PDE11A: variants seen among roughly 807,000 people sequenced by gnomAD.
PDE11A encodes dual 3',5'-cyclic-AMP and -GMP phosphodiesterase 11A.
Under a neutral mutation model 100.5 loss-of-function variants are expected in PDE11A, and 100 were observed. The ratio of observed to expected loss-of-function variants is 1.00; its 90% CI spans 0.85 to 1.18. PDE11A has a LOEUF of 1.18. Among genes scored for constraint, PDE11A ranks in the 50% most tolerant of loss-of-function variants. The probability of loss-of-function intolerance (pLI) is 0.00; values close to 1 mark genes in which losing one functional copy is unlikely to be tolerated. For missense variants in PDE11A, 1,141 were observed against 1,152.6 expected, an observed-to-expected ratio of 0.99 and a Z score of 0.15; for synonymous variants, 381 against 420.8, an observed-to-expected ratio of 0.91 and a Z score of 1.16.
intron 1 of PDE11A, among the ~76,000 whole-genome samples, chr2:178,069,032 C>T (rs568738860): frequency 6.6e-6 from 1 of 152,236 alleles, no homozygotes; most frequent in South Asian, 2.1e-4. Flanking sequence ...GACTTCACAT[C>T]TCAGTTCCAG....
chr2:177,788,759 A>G (rs2082580482), intron 9 of PDE11A, among the ~76,000 whole-genome samples: 3 of 152,226 alleles, frequency 2.0e-5, no homozygotes, highest in African/African-American at 7.2e-5. Flanking sequence ...TACTACAAAC[A>G]ACTCTACTCA....
At chr2:177,798,276 T>G (rs527752672) in intron 9 of PDE11A, among the ~76,000 whole-genome samples, 1 of 152,220 alleles carries the variant, frequency 6.6e-6, no homozygotes, top group Non-Finnish European at 1.5e-5. Flanking sequence ...CATATCTACC[T>G]CTTTCTTGGA....
chr2:177,630,725 A>G (rs945123111), intron 19 of PDE11A, among the ~76,000 whole-genome samples: 1 of 152,140 alleles, frequency 6.6e-6, no homozygotes, highest in African/African-American at 2.4e-5. Flanking sequence ...GGCTTCTAAC[A>G]TATTCAACCA....
intron 2 of PDE11A, among the ~76,000 whole-genome samples, chr2:177,947,475 C>T (rs2085457533): frequency 6.6e-6 from 1 of 152,226 alleles, no homozygotes; most frequent in African/African-American, 2.4e-5. Flanking sequence ...GCCCCCAACC[C>T]TGTGCTCTCT....
chr2:177,753,468 G>A (rs529630009), intron 10 of PDE11A, among the ~76,000 whole-genome samples: 8 of 152,086 alleles, frequency 5.3e-5, no homozygotes, highest in African/African-American at 1.7e-4. Context: ...TGGCACTGCA[G>A]CCTGTTATTC....
intron 7 of PDE11A, among the ~76,000 whole-genome samples, chr2:177,818,456 C>A (rs1042574888): frequency 6.6e-6 from 1 of 151,840 alleles, no homozygotes. Context: ...GGGCACGTTA[C>A]CTAACTTTTT....
At chr2:177,657,400 C>T (rs1042522139) in intron 19 of PDE11A, among the ~76,000 whole-genome samples, 3 of 152,192 alleles carry the variant, frequency 2.0e-5, no homozygotes, top group Non-Finnish European at 4.4e-5. Context: ...AAACAAGCTG[C>T]CATCATTCAG....
intron 1 of PDE11A, chr2:178,018,280 C>T: frequency 2.5e-6 from 1 of 405,298 alleles, no homozygotes; most frequent in Non-Finnish European, 4.8e-6. Context: ...GGCTACAGCC[C>T]TCACTCTCCT....
chr2:178,035,133 G>C (rs1329067945), intron 1 of PDE11A, among the ~76,000 whole-genome samples: 1 of 151,608 alleles, frequency 6.6e-6, no homozygotes, highest in Non-Finnish European at 1.5e-5. Flanking sequence ...CCACTAGTTA[G>C]ACTAATAAAG....
chr2:177,661,808 C>A (rs938789752), intron 19 of PDE11A, among the ~76,000 whole-genome samples: 1 of 152,142 alleles, frequency 6.6e-6, no homozygotes, highest in African/African-American at 2.4e-5. Context: ...CAGCATGACA[C>A]ATCTCTCCCC....
intron 1 of PDE11A, among the ~76,000 whole-genome samples, chr2:178,035,458 C>T (rs2086600915): frequency 6.6e-6 from 1 of 152,192 alleles, no homozygotes; most frequent in Non-Finnish European, 1.5e-5. Flanking sequence ...CAAAGAGGAG[C>T]TAGTATCATT....
intron 2 of PDE11A, chr2:178,104,296 T>A (rs2087593114): frequency 6.2e-7 from 1 of 1,613,250 alleles, no homozygotes; most frequent in African/African-American, 1.3e-5. Context: ...AACTGCTAGT[T>A]TTTACCTTTG....
intron 1 of PDE11A, among the ~76,000 whole-genome samples, chr2:178,033,840 C>A (rs1301505173): frequency 6.6e-6 from 1 of 152,124 alleles, no homozygotes; most frequent in African/African-American, 2.4e-5. Context: ...TCCAGACAAG[C>A]AAATGCTGAG....
At chr2:177,873,911 A>C (rs2084187367) in intron 5 of PDE11A, among the ~76,000 whole-genome samples, 1 of 152,216 alleles carries the variant, frequency 6.6e-6, no homozygotes, top group Non-Finnish European at 1.5e-5. Context: ...TACATCTTGA[A>C]ATAGGTAATT....
intron 2 of PDE11A, chr2:177,953,424 T>G (rs1411061578): frequency 3.3e-5 from 5 of 152,124 alleles, no homozygotes; most frequent in African/African-American, 1.2e-4. Flanking sequence ...GAAAGAAAAG[T>G]GAATATCATA....
chr2:177,878,760 C>T (rs1163932613), intron 4 of PDE11A, among the ~76,000 whole-genome samples: 1 of 152,176 alleles, frequency 6.6e-6, no homozygotes, highest in Non-Finnish European at 1.5e-5. Flanking sequence ...AGTGATCCCA[C>T]TTCTCACTGC....
chr2:177,760,694 G>A (rs1421988144), intron 10 of PDE11A, among the ~76,000 whole-genome samples: 1 of 152,132 alleles, frequency 6.6e-6, no homozygotes, highest in Non-Finnish European at 1.5e-5. Context: ...TGGTTACTTT[G>A]TCTTTTTATA....
At chr2:178,055,941 C>T (rs371544597) in intron 1 of PDE11A, among the ~76,000 whole-genome samples, 2 of 151,762 alleles carry the variant, frequency 1.3e-5, no homozygotes, top group African/African-American at 4.8e-5. Flanking sequence ...TTTTTAAATA[C>T]GCTTTCACAT....
intron 1 of PDE11A, among the ~76,000 whole-genome samples, chr2:178,023,491 C>T (rs1481397344): frequency 1.3e-5 from 2 of 152,030 alleles, no homozygotes; most frequent in Admixed American, 1.3e-4. Context: ...TCTTTTATTC[C>T]CTCTGTATTT....
Sources: allele counts gnomAD v4.1 joint callset (sites outside exome capture counted in the v4.1 genomes callset), GRCh38; gene constraint gnomAD v4.1.1; transcripts MANE v1.5; gene names NCBI Gene and HGNC (gene_info 2026-07-23, HGNC 2026-07-21).